The following ANO10 variants were observed in gnomAD, a reference collection of about 807,000 sequenced individuals.
ANO10 encodes the protein anoctamin 10.
A neutral mutation model predicts 74.7 loss-of-function variants in ANO10; 77 were observed. The ratio of observed to expected loss-of-function variants is 1.03; its 90% CI spans 0.86 to 1.25. ANO10 has a LOEUF of 1.25. Ranked by LOEUF, ANO10 falls within the 50% of genes most tolerant of loss-of-function variation. The probability of loss-of-function intolerance (pLI) is 0.00; values close to 1 mark genes in which losing one functional copy is unlikely to be tolerated. For missense variants in ANO10, 721 were observed against 778.1 expected, an observed-to-expected ratio of 0.93 and a Z score of 0.87; for synonymous variants, 279 against 284.9, an observed-to-expected ratio of 0.98 and a Z score of 0.21.
At chr3:43,449,310 C>T (rs891157571) in intron 11 of ANO10, among the ~76,000 whole-genome samples, 14 of 152,098 alleles carry the variant, frequency 9.2e-5, no homozygotes, top group African/African-American at 3.4e-4. Context: ...CAGAGAATAA[C>T]TTTTTAATTT....
At chr3:43,440,913 C>G (rs1241262093) in intron 11 of ANO10, among the ~76,000 whole-genome samples, 3 of 151,806 alleles carry the variant, frequency 2.0e-5, no homozygotes, top group African/African-American at 7.3e-5. Context: ...GGAAAATTCA[C>G]AAATTGTGGA....
At chr3:43,511,445 T>G (rs1036961830) in intron 11 of ANO10, among the ~76,000 whole-genome samples, 2 of 152,176 alleles carry the variant, frequency 1.3e-5, no homozygotes, top group African/African-American at 4.8e-5. Flanking sequence ...CATATTAAAT[T>G]AACGTCTAAC....
chr3:43,447,290 C>T lies in ANO10; in HGVS notation c.1798-14563G>A, dbSNP rs964587543. Among the ~76,000 whole-genome samples, 11 of 152,256 alleles carry T rather than the reference C, an allele frequency of 7.2e-5. No individual in the cohort carries two copies. The South Asian group carries it at 1.9e-3, about 26-fold the overall frequency. On this transcript the variant is annotated intron_variant, in intron 11 of 12. Coordinates refer to ENST00000292246, the MANE Select transcript of ANO10 (RefSeq NM_018075.5). Reference sequence around the variant, plus strand: ...ATAAGTAGATTCTGTCAAATTGTTCCGTACATGGTATTAAGCACGCATGTA... The same window carrying T: ...ATAAGTAGATTCTGTCAAATTGTTCTGTACATGGTATTAAGCACGCATGTA...
rs114970044 is a variant in ANO10 at position 43,462,141 on chromosome 3, G to A, written c.1798-29414C>T. 4.7e-3 allele frequency among the ~76,000 whole-genome samples: 720 copies of A among 152,270 alleles called. 6 individuals carry two copies. Among genetic ancestry groups the A allele is most frequent in the African/African-American group, 0.017 (692 of 41,546 alleles). On this transcript the variant is annotated intron_variant, in intron 11 of 12. Coordinates refer to ENST00000292246, the MANE Select transcript of ANO10 (RefSeq NM_018075.5). ...AATTCATTTAACTTTGAGCTTGAGA[G>A]AGTTGATTTAGGGTATTTGGTGGAA...
intron 1 of ANO10, among the ~76,000 whole-genome samples, chr3:43,632,410 C>T (rs2083558106): frequency 6.6e-6 from 1 of 152,228 alleles, no homozygotes; most frequent in East Asian, 1.9e-4. Context: ...TGGCCATGTC[C>T]CTCAGTGGAA....
upstream of ANO10, among the ~76,000 whole-genome samples, chr3:43,625,880 G>C (rs947281250): frequency 3.3e-5 from 5 of 150,222 alleles, no homozygotes; most frequent in Admixed American, 1.3e-4. Flanking sequence ...CTTTTACTAC[G>C]TACTACTTCT....
At chr3:43,690,352 G>C (rs2084340740) in intron 1 of ANO10, 1 of 152,402 alleles carries the variant, frequency 6.6e-6, no homozygotes, top group African/African-American at 2.4e-5. Flanking sequence ...ACCGCGCCCG[G>C]CCAACACCGA....
At chr3:43,385,389 C>T (rs541270296) in intron 12 of ANO10, among the ~76,000 whole-genome samples, 42 of 152,278 alleles carry the variant, frequency 2.8e-4, no homozygotes, top group African/African-American at 1.0e-3. Flanking sequence ...CCACCCCAAT[C>T]CAGCAATCCC....
chr3:43,526,012 T>C (rs1205569898), intron 11 of ANO10, among the ~76,000 whole-genome samples: 2 of 152,218 alleles, frequency 1.3e-5, no homozygotes, highest in East Asian at 1.9e-4. Context: ...ACATTTAATA[T>C]ATTCTAGCAT....
chr3:43,586,579 C>A (rs2081491064), intron 4 of ANO10, among the ~76,000 whole-genome samples: 1 of 151,994 alleles, frequency 6.6e-6, no homozygotes, highest in South Asian at 2.1e-4. Flanking sequence ...AGAAAACTGG[C>A]ATCGAGCTAT....
chr3:43,565,817 G>T, intron 7 of ANO10, 90 bp from the exon 8 acceptor site: 1 of 1,401,246 alleles, frequency 7.1e-7, no homozygotes, highest in Non-Finnish European at 9.8e-7. Flanking sequence ...AAAATGTAAT[G>T]GGAGCGGGGA....
intron 7 of ANO10, among the ~76,000 whole-genome samples, chr3:43,568,883 G>C (rs1191872902): frequency 7.3e-5 from 11 of 149,738 alleles, no homozygotes; most frequent in African/African-American, 1.3e-4. Flanking sequence ...TTCAAAAAAT[G>C]AATGAATCCA....
intron 11 of ANO10, among the ~76,000 whole-genome samples, chr3:43,541,230 A>T (rs1279192249): frequency 6.6e-6 from 1 of 152,232 alleles, no homozygotes; most frequent in Admixed American, 6.5e-5. Flanking sequence ...CAAACCTTTC[A>T]ATTAGGTGAA....
intron 1 of ANO10, among the ~76,000 whole-genome samples, chr3:43,651,096 G>A (rs2149568388): frequency 6.6e-6 from 1 of 152,220 alleles, no homozygotes; most frequent in African/African-American, 2.4e-5. Context: ...TTCTTTTGGG[G>A]GAGGGCAGTA....
At chr3:43,668,561 T>C (rs542440509) in intron 1 of ANO10, among the ~76,000 whole-genome samples, 104 of 152,292 alleles carry the variant, frequency 6.8e-4, no homozygotes, top group African/African-American at 2.5e-3. Flanking sequence ...CTGTTTTAGG[T>C]CTTAGATTTA....
At chr3:43,568,406 C>T (rs1198015946) in intron 7 of ANO10, among the ~76,000 whole-genome samples, 8 of 152,266 alleles carry the variant, frequency 5.3e-5, no homozygotes, top group African/African-American at 1.7e-4. Flanking sequence ...CACACCACAC[C>T]TATTCCAAAA....
At chr3:43,518,440 T>C (rs904815504) in intron 11 of ANO10, among the ~76,000 whole-genome samples, 11 of 152,156 alleles carry the variant, frequency 7.2e-5, no homozygotes, top group Admixed American at 5.9e-4. Flanking sequence ...TTGTAGAGCA[T>C]GTGTGTTTGA....
At chr3:43,677,156 C>A (rs2084133742) in intron 1 of ANO10, among the ~76,000 whole-genome samples, 8 of 152,098 alleles carry the variant, frequency 5.3e-5, no homozygotes, top group African/African-American at 1.9e-4. Flanking sequence ...ACTATGCAGC[C>A]CCAAAAAGAA....
At chr3:43,539,561 T>G (rs1389182992) in intron 11 of ANO10, among the ~76,000 whole-genome samples, 1 of 152,064 alleles carries the variant, frequency 6.6e-6, no homozygotes, top group Admixed American at 6.5e-5. Context: ...TGGGGTGCAG[T>G]AGGAGACAGC....
Sources: allele counts gnomAD v4.1 joint callset (sites outside exome capture counted in the v4.1 genomes callset), GRCh38; gene constraint gnomAD v4.1.1; transcripts MANE v1.5; gene names NCBI Gene and HGNC (gene_info 2026-07-23, HGNC 2026-07-21).